The following ZC3H13 variants were observed in gnomAD, a reference collection of about 807,000 sequenced individuals.
ZC3H13 encodes zinc finger CCCH-type containing 13, also known as zinc finger CCCH domain-containing protein 13.
A neutral mutation model predicts 204.1 loss-of-function variants in ZC3H13; 64 were observed. The ratio of observed to expected loss-of-function variants is 0.31; its 90% CI spans 0.26 to 0.39. The LOEUF (loss-of-function observed/expected upper bound fraction) is 0.39, where lower values mean the gene tolerates loss of function less well. Among genes scored for constraint, ZC3H13 ranks in the 10% least tolerant of loss-of-function variants. The probability of loss-of-function intolerance (pLI) is 1.00; values close to 1 mark genes in which losing one functional copy is unlikely to be tolerated. For missense variants in ZC3H13, 1,833 were observed against 2,082.7 expected, an observed-to-expected ratio of 0.88 and a Z score of 2.33; for synonymous variants, 667 against 693.7, an observed-to-expected ratio of 0.96 and a Z score of 0.60.
At chr13:46,027,230 G>A (rs1234589252) in intron 4 of ZC3H13, among the ~76,000 whole-genome samples, 2 of 151,928 alleles carry the variant, frequency 1.3e-5, no homozygotes, top group South Asian at 2.1e-4. Flanking sequence ...TCAGCCTCCC[G>A]GGTAGCTGGG....
intron 5 of ZC3H13, 50 bp downstream of exon 5, chr13:46,020,398 GA>G (rs1428550037): frequency 4.2e-6 from 6 of 1,424,532 alleles, no homozygotes; most frequent in Non-Finnish European, 5.9e-6. Flanking sequence ...GAAAACTCTA[GA>G]AAGTAAATAA....
At position 45,959,515 on chromosome 13, in the gene ZC3H13, C is replaced by T. The variant is rs1951522232; in HGVS notation, c.4807G>A (p.Ala1603Thr). Residue 1603 changes from alanine to threonine, a missense_variant, in exon 18 of 19, where the codon GCA (alanine) becomes ACA (threonine). By Grantham distance (58) the Ala-to-Thr change is moderately conservative. Coordinates refer to ENST00000679008, the MANE Select transcript of ZC3H13 (RefSeq NM_001330564.2). ...TTTTTAACAAGCTGCTTTCGAATTG[C>T]AGAATCCCGTCTGAAGCACAACGCC... is the stretch of plus-strand genomic sequence containing the variant. Reference protein sequence around the residue: ...CKALCFRRDSAIRKQLVKNEK... With the variant: ...CKALCFRRDSTIRKQLVKNEK... 1 of 1,542,800 alleles carries T rather than the reference C, an allele frequency of 6.5e-7. No homozygotes were observed. The highest frequency in any genetic ancestry group is 8.7e-7 in the Non-Finnish European group (1 of 1,144,096).
chr13:46,032,995 A>T (rs1335014043), intron 4 of ZC3H13, among the ~76,000 whole-genome samples: 1 of 152,036 alleles, frequency 6.6e-6, no homozygotes, highest in African/African-American at 2.4e-5. Flanking sequence ...TTAAATATAT[A>T]TATGTGTGTA....
chr13:45,997,546 T>C (rs1381260499), intron 8 of ZC3H13, among the ~76,000 whole-genome samples: 1 of 152,200 alleles, frequency 6.6e-6, no homozygotes, highest in East Asian at 1.9e-4. Flanking sequence ...AAGCACCTGA[T>C]ACAGAACGTT....
At position 46,036,123 on chromosome 13, in the gene ZC3H13, G is replaced by A. The variant is rs143808266; in HGVS notation, c.339+6041C>T. On this transcript the variant is annotated intron_variant, in intron 4 of 18. Coordinates refer to ENST00000679008, the MANE Select transcript of ZC3H13 (RefSeq NM_001330564.2). ...TGTTTGCATCATTGCACTTTAGATCGAGAGGGAGAGCAAGACTCCGTGTCA... is the reference window on the plus strand; with the variant it reads ...TGTTTGCATCATTGCACTTTAGATCAAGAGGGAGAGCAAGACTCCGTGTCA... Among the ~76,000 whole-genome samples the A allele has an allele frequency of 1.8e-4, 26 of 148,064 alleles. 1 individual carries two copies. The highest frequency in any genetic ancestry group is 2.8e-4 in the Non-Finnish European group (19 of 67,502).
chr13:45,992,459 AG>A (rs1361735154), intron 8 of ZC3H13, among the ~76,000 whole-genome samples: 1 of 152,220 alleles, frequency 6.6e-6, no homozygotes, highest in African/African-American at 2.4e-5. Context: ...CAATCTAATA[AG>A]GTAATTGAAT....
At chr13:46,051,867 CCAAA>C (rs1389089863) in intron 1 of ZC3H13, 9 of 151,988 alleles carry the variant, frequency 5.9e-5, no homozygotes, top group African/African-American at 1.9e-4. Flanking sequence ...GATAATGCCG[CCAAA>C]CAGACTCTCT....
chr13:46,014,355 C>T lies in ZC3H13; in HGVS notation c.449-2801G>A, dbSNP rs527736538. Among the ~76,000 whole-genome samples, 13 of 152,070 alleles carry T rather than the reference C, an allele frequency of 8.5e-5. No homozygotes were observed. In the East Asian group the frequency reaches 2.5e-3, roughly 29 times the overall value. ...GTCCTAATGCTCTCCCTCCCCTCAC[C>T]CCCCATCCCCACAACAGGCCCTGGT... On this transcript the variant is annotated intron_variant, in intron 5 of 18. Coordinates refer to ENST00000679008, the MANE Select transcript of ZC3H13 (RefSeq NM_001330564.2).
intron 4 of ZC3H13, among the ~76,000 whole-genome samples, chr13:46,030,708 G>A (rs963186297): frequency 6.6e-6 from 1 of 152,004 alleles, no homozygotes; most frequent in Non-Finnish European, 1.5e-5. Flanking sequence ...ATTTTCATCA[G>A]TATAGAAAAA....
In ZC3H13 at chr13:45,969,884, C is replaced by T. The variant is rs751740519; in HGVS notation, c.2660G>A (p.Gly887Asp). 2.5e-6 allele frequency: 4 copies of T among 1,613,836 alleles called. No homozygotes were observed. In the South Asian group the frequency reaches 3.3e-5, roughly 13 times the overall value. The part of the protein sequence containing the change: ...SPSHLTEDRQ[G>D]RWKEEDRKPE... ...TTTACGATCCTCCTCTTTCCATCTACCCTGTCTGTCTTCTGTGAGGTGCGA... is the reference window on the plus strand; with the variant it reads ...TTTACGATCCTCCTCTTTCCATCTATCCTGTCTGTCTTCTGTGAGGTGCGA... The change falls in exon 14 of 19, where the codon GGT becomes GAT. Residue 887 changes from glycine (G) to aspartate (D), a missense_variant. By Grantham distance (94) the Gly-to-Asp change is moderately conservative (BLOSUM62 -1). Around this residue, in one of 5 missense-constraint regions of ZC3H13, gnomAD observed 1,574 missense variants for 1,757.2 expected, o/e 0.90. Coordinates refer to ENST00000679008, the MANE Select transcript of ZC3H13 (RefSeq NM_001330564.2).
intron 17 of ZC3H13, among the ~76,000 whole-genome samples, chr13:45,960,676 A>C (rs925316990): frequency 6.6e-6 from 1 of 152,228 alleles, no homozygotes; most frequent in African/African-American, 2.4e-5. Flanking sequence ...AAATAACAGA[A>C]CAGGACCAGT....
At chr13:45,974,045 C>T (rs1054500745) in intron 12 of ZC3H13, among the ~76,000 whole-genome samples, 5 of 152,288 alleles carry the variant, frequency 3.3e-5, no homozygotes, top group Non-Finnish European at 5.9e-5. Context: ...ACCCTGTATT[C>T]GCCCTGTGGC....
intron 12 of ZC3H13, among the ~76,000 whole-genome samples, chr13:45,972,961 G>T (rs1433717777): frequency 6.6e-6 from 1 of 152,208 alleles, no homozygotes; most frequent in Non-Finnish European, 1.5e-5. Flanking sequence ...ACATGAATGA[G>T]ACAATCCTGG....
At chr13:46,027,167 C>G (rs1049030208) in intron 4 of ZC3H13, among the ~76,000 whole-genome samples, 9 of 152,110 alleles carry the variant, frequency 5.9e-5, no homozygotes, top group Non-Finnish European at 1.3e-4. Context: ...GCACAGTGCG[C>G]AATCTTGGCT....
chr13:45,974,095 TA>T (rs1410740530), intron 12 of ZC3H13, among the ~76,000 whole-genome samples: 1 of 152,216 alleles, frequency 6.6e-6, no homozygotes, highest in African/African-American at 2.4e-5. Context: ...TGAAGATACA[TA>T]AATTATTTTC....
In ZC3H13 at chr13:45,970,410, G is replaced by A. The variant is rs764010877; in HGVS notation, c.2524C>T (p.Arg842Cys). The stretch of plus-strand genomic sequence containing the variant: ...GCATCACTGTCCGGAGAATGTTCAC[G>A]CCGGCGCTTCGGGGACTGTCTAGGG... ...PSPRQSPKRR[R>C]EHSPDSDAYN... is the part of the protein sequence containing the mutation. The change falls in exon 13 of 19, where the codon CGT becomes TGT. Residue 842 changes from arginine to cysteine, a missense_variant. Coordinates refer to ENST00000679008, the MANE Select transcript of ZC3H13 (RefSeq NM_001330564.2). 1.3e-5 allele frequency: 21 copies of A among 1,613,778 alleles called. No individual in the cohort carries two copies. Among genetic ancestry groups the A allele is most frequent in the African/African-American group, 8.0e-5 (6 of 74,884 alleles).
intron 4 of ZC3H13, 99 bp from the exon 5 acceptor site, chr13:46,020,656 T>C (rs568465573): frequency 2.6e-6 from 2 of 780,460 alleles, no homozygotes; most frequent in African/African-American, 3.6e-5. Context: ...TCATCTCTGT[T>C]TCATCAAAGA....
In ZC3H13 at chr13:45,997,116, T is replaced by C. The variant is rs2040398821; in HGVS notation, c.944+6023A>G. ...AAGGCTTTTTCTCTGCGTAAATGAG[T>C]AGTACTCAGGTTTTGATCAACATTG... is the stretch of plus-strand genomic sequence containing the variant. On this transcript the variant is annotated intron_variant, in intron 8 of 18. Transcript: ENST00000679008. Among the ~76,000 whole-genome samples, 5 of 152,314 alleles carry C rather than the reference T, an allele frequency of 3.3e-5. No individual in the cohort carries two copies. The South Asian group carries it at 1.0e-3, about 32-fold the overall frequency.
intron 7 of ZC3H13, among the ~76,000 whole-genome samples, chr13:46,006,183 G>C (rs551715319): frequency 6.6e-6 from 1 of 151,486 alleles, no homozygotes; most frequent in East Asian, 1.9e-4. Context: ...CTCAGCACAA[G>C]AAGACAGCTT....
Sources: gnomAD v4.1 joint callset for allele counts (sites outside exome capture counted in the v4.1 genomes callset) on GRCh38, gnomAD v4.1.1 for gene constraint, gnomAD v4.1.1 regional missense constraint, MANE v1.5 for transcripts, NCBI Gene and HGNC (gene_info 2026-07-23, HGNC 2026-07-21) for gene names.